Variants in SV2B observed in about 807,000 individuals in gnomAD.
The protein encoded by SV2B is synaptic vesicle glycoprotein 2B, also known as solute carrier family 22 member B2.
Under a neutral mutation model 73.9 loss-of-function variants are expected in SV2B, and 41 were observed. The observed-to-expected ratio is 0.56, with a 90% CI of 0.43 to 0.72. The LOEUF is 0.72. SV2B is among the 30% of genes least tolerant of loss of function. SV2B has a pLI of 0.00. For missense variants in SV2B, 764 were observed against 857.8 expected (o/e 0.89, Z 1.37); for synonymous variants, 314 against 314.2 (o/e 1.00, Z 0.01).
Position 91,148,637 on chromosome 15 carries a change from T to C in SV2B, c.-392+48274T>C, listed in dbSNP as rs149302606. On this transcript the variant is annotated intron_variant, in intron 1 of 12. Coordinates refer to ENST00000394232, the MANE Select transcript of SV2B (RefSeq NM_001323032.3). ...GAAGAAACACAGTCAATAGGGAATA[T>C]TTATATAAAATATACACATATATTA... Among the ~76,000 whole-genome samples, 115 of 152,294 alleles carry C rather than the reference T, an allele frequency of 7.6e-4. No homozygotes were observed. The East Asian group carries it at 0.018, about 23-fold the overall frequency.
chr15:91,281,946 T>C lies in SV2B; in HGVS notation c.1507+85T>C, dbSNP rs1018139131. The C allele has an allele frequency of 2.4e-5, 34 of 1,434,826 alleles. No individual in the cohort carries two copies. The highest frequency in any genetic ancestry group is 3.2e-5 in the Non-Finnish European group (34 of 1,071,066). The allele number at this position is 1,434,826 out of a possible 1,614,324, so 88.9% of individuals were successfully genotyped here. A position where few individuals can be genotyped will look rare whatever the true frequency, so the allele number is the denominator to read the frequency against. On this transcript the variant is annotated intron_variant, in intron 10 of 12. Transcript: ENST00000394232. The surrounding 1 kb of genome is among the most constrained non-coding windows in gnomAD (Gnocchi z 4.7). ...AGAATCAAAATGGTCAGGCATAAAC[T>C]TTAGGAGTAGGAAAGTATTCGTAGA...
chr15:91,260,725 A>G (rs1164814009), intron 6 of SV2B, among the ~76,000 whole-genome samples: 2 of 152,118 alleles, frequency 1.3e-5, no homozygotes, highest in Non-Finnish European at 2.9e-5. Flanking sequence ...AAGAAAAAGA[A>G]GTTTAATTGG....
At position 91,129,933 on chromosome 15, in the gene SV2B, C is replaced by T. The variant is rs1236665254; in HGVS notation, c.-392+29570C>T. Among the ~76,000 whole-genome samples, 1 of 152,128 alleles carries T rather than the reference C, an allele frequency of 6.6e-6. No homozygotes were observed. The highest frequency in any genetic ancestry group is 1.5e-5 in the Non-Finnish European group (1 of 68,036). On this transcript the variant is annotated intron_variant, in intron 1 of 12. Coordinates refer to ENST00000394232, the MANE Select transcript of SV2B (RefSeq NM_001323032.3). This position sits in a 1 kb window ranked among gnomAD's most constrained non-coding sequence, Gnocchi z 5.1. Reference sequence around the variant, plus strand: ...TGCATGTAACACGCTTAGCTCAGTGCCTGGTCCTTGGCAAAGGCTCAGCAA... The same window carrying T: ...TGCATGTAACACGCTTAGCTCAGTGTCTGGTCCTTGGCAAAGGCTCAGCAA...
chr15:91,251,232 G>T (rs1353862327), intron 2 of SV2B, among the ~76,000 whole-genome samples: 2 of 152,202 alleles, frequency 1.3e-5, no homozygotes, highest in African/African-American at 4.8e-5. Flanking sequence ...ATTGCGTTGA[G>T]AAAACTGGAT....
chr15:91,251,727 A>C (rs1370926405), intron 2 of SV2B, 92 bp from the exon 3 acceptor site: 1 of 1,377,064 alleles, frequency 7.3e-7, no homozygotes, highest in African/African-American at 1.5e-5. Flanking sequence ...TTCTAGGATA[A>C]ATAAAAATGA....
intron 10 of SV2B, among the ~76,000 whole-genome samples, chr15:91,282,545 T>G (rs2048716772): frequency 6.6e-6 from 1 of 152,184 alleles, no homozygotes; most frequent in Admixed American, 6.5e-5. Flanking sequence ...TGTACTATTT[T>G]TTTTTAATCC....
chr15:91,171,891 C>G (rs998071485), intron 1 of SV2B, among the ~76,000 whole-genome samples: 5 of 152,202 alleles, frequency 3.3e-5, no homozygotes, highest in African/African-American at 1.2e-4. Context: ...CCCACCCCTC[C>G]TTTATCCACT....
intron 1 of SV2B, among the ~76,000 whole-genome samples, chr15:91,127,224 C>T (rs1440511584): frequency 6.6e-6 from 1 of 152,158 alleles, no homozygotes; most frequent in Admixed American, 6.5e-5. Context: ...GTTCTTTTTG[C>T]TTTCTTCCCT....
At chr15:91,248,351 G>A (rs892102099) in intron 2 of SV2B, among the ~76,000 whole-genome samples, 1 of 151,986 alleles carries the variant, frequency 6.6e-6, no homozygotes, top group African/African-American at 2.4e-5. Context: ...TGCCTTGTAT[G>A]GCCTTAAGTA....
chr15:91,134,587 G>A (rs1567279414), intron 1 of SV2B, among the ~76,000 whole-genome samples: 1 of 152,138 alleles, frequency 6.6e-6, no homozygotes, highest in Non-Finnish European at 1.5e-5. Flanking sequence ...TGGGAAGGTG[G>A]CCACTCTGGA....
Position 91,252,529 on chromosome 15 carries a change from T to C in SV2B, c.784+9T>C, listed in dbSNP as rs542294553. The C allele has an allele frequency of 6.3e-7, 1 of 1,595,362 alleles. No homozygotes were observed. Among genetic ancestry groups the C allele is most frequent in the Admixed American group, 1.7e-5 (1 of 57,330 alleles). On this transcript the variant is annotated intron_variant, in intron 4 of 12. Coordinates refer to ENST00000394232, the MANE Select transcript of SV2B (RefSeq NM_001323032.3). The surrounding 1 kb of genome is among the most constrained non-coding windows in gnomAD (Gnocchi z 4.6). The stretch of plus-strand genomic sequence containing the variant: ...CATCATCCCACACTATGGTGAGTCA[T>C]GGCTCCAAACAGCCTAGGGGGCCCT...
chr15:91,275,033 T>C (rs1392327236), intron 9 of SV2B, among the ~76,000 whole-genome samples: 1 of 152,130 alleles, frequency 6.6e-6, no homozygotes, highest in East Asian at 1.9e-4. Flanking sequence ...ATTAAGTGAA[T>C]TTCTTGTAAT....
rs983776836 is a variant in SV2B at position 91,141,215 on chromosome 15, G to T, written c.-392+40852G>T. On this transcript the variant is annotated intron_variant, in intron 1 of 12. Transcript: ENST00000394232. The surrounding 1 kb of genome is among the most constrained non-coding windows in gnomAD (Gnocchi z 4.6). The stretch of plus-strand genomic sequence containing the variant: ...TGAGGCCTGAGAAACTCCAATTTTG[G>T]CAGGGTTCTTAGGGGATTTCTGATG... Among the ~76,000 whole-genome samples, 1 of 152,156 alleles carries T rather than the reference G, an allele frequency of 6.6e-6. No homozygotes were observed. Among genetic ancestry groups the T allele is most frequent in the African/African-American group, 2.4e-5 (1 of 41,434 alleles).
Position 91,118,125 on chromosome 15 carries a change from T to C in SV2B, c.-392+17762T>C, listed in dbSNP as rs1321618449. On this transcript the variant is annotated intron_variant, in intron 1 of 12. Coordinates refer to ENST00000394232, the MANE Select transcript of SV2B (RefSeq NM_001323032.3). The surrounding 1 kb of genome is among the most constrained non-coding windows in gnomAD (Gnocchi z 4.7). The stretch of plus-strand genomic sequence containing the variant: ...TACTAGCTTGAGGTGAAACACTTTT[T>C]GTTCCCCATAAAACCAAGAAAAGGG... Among the ~76,000 whole-genome samples the C allele has an allele frequency of 1.3e-5, 2 of 152,178 alleles. No homozygotes were observed. The highest frequency in any genetic ancestry group is 4.8e-5 in the African/African-American group (2 of 41,446).
chr15:91,155,689 A>C lies in SV2B; in HGVS notation c.-392+55326A>C, dbSNP rs555357142. Among the ~76,000 whole-genome samples the C allele has an allele frequency of 2.0e-4, 31 of 152,284 alleles. 1 individual carries two copies. The highest frequency in any genetic ancestry group is 1.4e-3 in the Admixed American group (22 of 15,302). ...TTGCAGGAGGATGCCCTACTCCCTCACAGTAGCCTTTATGAAAAGAAAAAA... is the reference window on the plus strand; with the variant it reads ...TTGCAGGAGGATGCCCTACTCCCTCCCAGTAGCCTTTATGAAAAGAAAAAA... On this transcript the variant is annotated intron_variant, in intron 1 of 12. Coordinates refer to ENST00000394232, the MANE Select transcript of SV2B (RefSeq NM_001323032.3).
intron 1 of SV2B, among the ~76,000 whole-genome samples, chr15:91,165,172 A>T (rs2043867260): frequency 6.6e-6 from 1 of 152,118 alleles, no homozygotes; most frequent in African/African-American, 2.4e-5. Context: ...CCCCATCTCT[A>T]CTAAAAATAC....
intron 1 of SV2B, among the ~76,000 whole-genome samples, chr15:91,222,626 T>C (rs2046255547): frequency 1.3e-5 from 2 of 152,218 alleles, no homozygotes; most frequent in African/African-American, 4.8e-5. Flanking sequence ...GCGTGTGACC[T>C]TGACTTATCT....
chr15:91,167,706 C>T (rs750979164), intron 1 of SV2B, among the ~76,000 whole-genome samples: 20 of 152,166 alleles, frequency 1.3e-4, no homozygotes, highest in Non-Finnish European at 1.5e-4. Context: ...ATCCCTTTTA[C>T]CATGCAAGGT....
At chr15:91,190,051 T>G (rs2044947569) in intron 1 of SV2B, among the ~76,000 whole-genome samples, 1 of 152,174 alleles carries the variant, frequency 6.6e-6, no homozygotes, top group African/African-American at 2.4e-5. Flanking sequence ...TATTGCTATT[T>G]TGTTTTATCT....
Sources: allele counts gnomAD v4.1 joint callset (sites outside exome capture counted in the v4.1 genomes callset), GRCh38; gene constraint gnomAD v4.1.1; non-coding constraint Gnocchi (gnomAD v3.1); transcripts MANE v1.5; gene names NCBI Gene and HGNC (gene_info 2026-07-23, HGNC 2026-07-21).